GRIP2: variants seen among roughly 807,000 people sequenced by gnomAD.
GRIP2 encodes glutamate receptor-interacting protein 2.
GRIP2 carries 58 observed loss-of-function variants against 108.3 expected under a neutral mutation model. That is an observed-to-expected ratio of 0.54 (90% CI 0.43 to 0.67). The LOEUF is 0.67. GRIP2 is among the 30% of genes least tolerant of loss of function. The probability of loss-of-function intolerance (pLI) is 0.00; values close to 1 mark genes in which losing one functional copy is unlikely to be tolerated. For missense variants in GRIP2, 1,278 were observed against 1,430.6 expected, an observed-to-expected ratio of 0.89 and a Z score of 1.72; for synonymous variants, 586 against 598.2, an observed-to-expected ratio of 0.98 and a Z score of 0.30.
intron 1 of GRIP2, 49 bp from the exon 2 acceptor site, chr3:14,525,980 C>A: frequency 6.8e-7 from 1 of 1,479,888 alleles, no homozygotes; most frequent in South Asian, 1.2e-5. Flanking sequence ...CGTTTCCATT[C>A]CTGCAGACCT....
chr3:14,523,144 C>T, intron 5 of GRIP2, 69 bp from the exon 6 acceptor site: 2 of 1,188,626 alleles, frequency 1.7e-6, no homozygotes, highest in South Asian at 1.4e-5. Flanking sequence ...TCCCACACAG[C>T]CCCTGAGCAG....
intron 1 of GRIP2, among the ~76,000 whole-genome samples, chr3:14,548,331 T>C (rs1261629088): frequency 6.6e-6 from 1 of 151,680 alleles, no homozygotes; most frequent in African/African-American, 2.4e-5. Flanking sequence ...GGATGACATT[T>C]AGGAAGGATC....
upstream of GRIP2, among the ~76,000 whole-genome samples, chr3:14,558,267 C>T (rs1440887377): frequency 2.0e-5 from 3 of 152,236 alleles, no homozygotes; most frequent in Non-Finnish European, 4.4e-5. Context: ...TAGGCCGCTG[C>T]CACATCTAGG....
At chr3:14,583,901 G>C in the GRIP2 span, among the ~76,000 whole-genome samples, 1 of 152,174 alleles carries the variant, frequency 6.6e-6, no homozygotes, top group Non-Finnish European at 1.5e-5. Flanking sequence ...CCCAAACCCT[G>C]TGAAAAGGAG....
chr3:14,514,587 T>A, intron 11 of GRIP2, 109 bp from the exon 12 acceptor site: 2 of 1,142,620 alleles, frequency 1.8e-6, no homozygotes, highest in Non-Finnish European at 2.4e-6. Context: ...TGCAAGGAAG[T>A]GGGAGCCCTG....
At chr3:14,538,264 G>A (rs909884812) in intron 1 of GRIP2, among the ~76,000 whole-genome samples, 5 of 152,196 alleles carry the variant, frequency 3.3e-5, no homozygotes, top group African/African-American at 1.2e-4. Flanking sequence ...AGCAACAGGG[G>A]AGGTCACATG....
In GRIP2 at chr3:14,513,703, G is replaced by A. The variant is rs758258307; in HGVS notation, c.1601C>T (p.Ala534Val). 1 of 1,610,434 alleles carries A rather than the reference G, an allele frequency of 6.2e-7. No individual in the cohort carries two copies. The highest frequency in any genetic ancestry group is 8.5e-7 in the Non-Finnish European group (1 of 1,178,572). ...ANQLLRDAAL[A>V]HKVVLEVEFD... ...CTCCACCTCCAGCACGACCTTGTGG[G>A]CCAGTGCGGCGTCCCGCAGGAGCTG... is the stretch of plus-strand genomic sequence containing the variant. The change falls in exon 13 of 24, where the codon GCC becomes GTC. Residue 534 changes from alanine to valine, a missense_variant. Ala to Val is a moderately conservative substitution (Grantham distance 64, BLOSUM62 0). Transcript: ENST00000621039.
intron 9 of GRIP2, among the ~76,000 whole-genome samples, chr3:14,518,322 G>A (rs1694312129): frequency 6.6e-6 from 1 of 152,206 alleles, no homozygotes; most frequent in South Asian, 2.1e-4. Context: ...TGCAGCCCAG[G>A]CAGCCTCGGC....
chr3:14,566,803 C>T, the GRIP2 span, among the ~76,000 whole-genome samples: 10 of 152,158 alleles, frequency 6.6e-5, no homozygotes, highest in Non-Finnish European at 1.3e-4. Context: ...GATGCAGTCA[C>T]ATGGCCACTG....
the GRIP2 span, among the ~76,000 whole-genome samples, chr3:14,576,392 A>G: frequency 2.0e-5 from 3 of 152,248 alleles, no homozygotes; most frequent in African/African-American, 7.2e-5. Context: ...ACAGCTCATC[A>G]GCAGCTGAGG....
Position 14,520,090 on chromosome 3 carries a change from G to C in GRIP2, c.1030+20C>G. ...ATGACTGCCCAGGTTTGGGCCCTGA[G>C]ATCTACTGAGGGGACCCACCTGCCT... is the stretch of plus-strand genomic sequence containing the variant. On this transcript the variant is annotated intron_variant, in intron 9 of 23. Coordinates refer to ENST00000621039, the MANE Select transcript of GRIP2 (RefSeq NM_001080423.4). 6.4e-7 allele frequency: 1 copy of C among 1,569,626 alleles called. No homozygotes were observed. The highest frequency in any genetic ancestry group is 8.6e-7 in the Non-Finnish European group (1 of 1,158,654).
the GRIP2 span, among the ~76,000 whole-genome samples, chr3:14,577,831 A>C: frequency 3.2e-4 from 49 of 152,284 alleles, no homozygotes; most frequent in African/African-American, 1.1e-3. Flanking sequence ...GTGGATGCTT[A>C]AACAGTGTCC....
intron 1 of GRIP2, among the ~76,000 whole-genome samples, chr3:14,526,693 C>G (rs1267735611): frequency 1.3e-5 from 2 of 152,200 alleles, no homozygotes; most frequent in Non-Finnish European, 2.9e-5. Context: ...CCACCCTTCT[C>G]TCATATTTTC....
At chr3:14,574,089 C>G in the GRIP2 span, 1 of 1,310,264 alleles carries the variant, frequency 7.6e-7, no homozygotes, top group Non-Finnish European at 1.1e-6. Context: ...CCAGTGGTTC[C>G]ACAGAATCGA....
At chr3:14,574,349 G>T in the GRIP2 span, 1 of 992,824 alleles carries the variant, frequency 1.0e-6, no homozygotes, top group Non-Finnish European at 1.6e-6. Context: ...CCGGCACAGC[G>T]ATGCGCTGGT....
At chr3:14,574,580 G>A in the GRIP2 span, 8 of 724,656 alleles carry the variant, frequency 1.1e-5, no homozygotes, top group Middle Eastern at 2.5e-4. Flanking sequence ...CAAAAACTTC[G>A]TCCGGGTATG....
At chr3:14,549,762 C>T (rs772386836) in intron 1 of GRIP2, among the ~76,000 whole-genome samples, 3 of 152,216 alleles carry the variant, frequency 2.0e-5, no homozygotes, top group South Asian at 2.1e-4. Context: ...GATCATCAAT[C>T]GTTTCATTTT....
At chr3:14,550,946 G>GAGTCACC (rs1292072300) in intron 1 of GRIP2, among the ~76,000 whole-genome samples, 2 of 152,202 alleles carry the variant, frequency 1.3e-5, no homozygotes, top group East Asian at 3.9e-4. Context: ...ATCTGCTTAT[G>GAGTCACC]AGTCACCATC....
Position 14,511,497 on chromosome 3 carries a change from A to G in GRIP2, c.1721-18T>C, listed in dbSNP as rs754491711. On this transcript the variant is annotated intron_variant, in intron 14 of 23. Coordinates refer to ENST00000621039, the MANE Select transcript of GRIP2 (RefSeq NM_001080423.4). This position sits in a 1 kb window ranked among gnomAD's most constrained non-coding sequence, Gnocchi z 4.1. Reference sequence around the variant, plus strand: ...GCTGGCCGCTGGAGAAAAAGAGGCCATGAATCTGACCTTGGTGGCCTCAGC... The same window carrying G: ...GCTGGCCGCTGGAGAAAAAGAGGCCGTGAATCTGACCTTGGTGGCCTCAGC... The G allele has an allele frequency of 2.9e-5, 47 of 1,612,136 alleles. No homozygotes were observed. Among genetic ancestry groups the G allele is most frequent in the Non-Finnish European group, 3.7e-5 (44 of 1,179,726 alleles).
Sources: gnomAD v4.1 joint callset for allele counts (sites outside exome capture counted in the v4.1 genomes callset) on GRCh38, gnomAD v4.1.1 for gene constraint, Gnocchi (gnomAD v3.1) non-coding constraint, MANE v1.5 for transcripts, NCBI Gene and HGNC (gene_info 2026-07-23, HGNC 2026-07-21) for gene names.